The following HS6ST3 variants were observed in gnomAD, a reference collection of about 807,000 sequenced individuals.
HS6ST3 encodes the protein heparan-sulfate 6-O-sulfotransferase 3.
HS6ST3 carries 12 observed loss-of-function variants against 36.7 expected under a neutral mutation model. The observed-to-expected ratio is 0.33, with a 90% CI of 0.21 to 0.53. HS6ST3 has a LOEUF of 0.53. Ranked by LOEUF, HS6ST3 falls within the 20% of genes least tolerant of loss-of-function variation. The pLI is 0.95. For synonymous variants in HS6ST3, 240 were observed against 257.5 expected, an observed-to-expected ratio of 0.93 and a Z score of 0.65; for missense variants, 584 against 640.9, an observed-to-expected ratio of 0.91 and a Z score of 0.96.
At chr13:96,581,981 T>A (rs1174919882) in intron 1 of HS6ST3, among the ~76,000 whole-genome samples, 1 of 152,146 alleles carries the variant, frequency 6.6e-6, no homozygotes, top group Non-Finnish European at 1.5e-5. Flanking sequence ...CCTAAGCAAG[T>A]GAGGACTTGT....
chr13:96,691,654 C>T (rs1394265340), intron 1 of HS6ST3, among the ~76,000 whole-genome samples: 5 of 148,366 alleles, frequency 3.4e-5, no homozygotes, highest in Non-Finnish European at 6.0e-5. Context: ...CTTCCTTTCC[C>T]TCTTTCCTTT....
At chr13:96,424,257 GTCC>G (rs71213615) in intron 1 of HS6ST3, among the ~76,000 whole-genome samples, 75,710 of 151,396 alleles carry the variant, frequency 0.5, 19,150 homozygotes, top group Non-Finnish European at 0.56. Context: ...TGAAACTTAA[GTCC>G]AGCCAATTCC....
intron 1 of HS6ST3, among the ~76,000 whole-genome samples, chr13:96,393,219 T>C (rs1272733888): frequency 2.0e-5 from 3 of 152,128 alleles, no homozygotes; most frequent in Non-Finnish European, 4.4e-5. Context: ...TCATAAATGA[T>C]CCAGTCTCAG....
rs543581594 is a variant in HS6ST3 at position 96,427,532 on chromosome 13, A to T, written c.707+335963A>T. Among the ~76,000 whole-genome samples the T allele has an allele frequency of 2.0e-5, 3 of 151,896 alleles. No individual in the cohort carries two copies. The South Asian group carries it at 6.2e-4, about 32-fold the overall frequency. ...TAGTCATAGTACATATTACTTTTAT[A>T]ATACATTATTTATATTATGATATAT... On this transcript the variant is annotated intron_variant, in intron 1 of 1. Transcript: ENST00000376705.
chr13:96,302,658 G>A (rs1159294505), intron 1 of HS6ST3, among the ~76,000 whole-genome samples: 3 of 152,186 alleles, frequency 2.0e-5, no homozygotes, highest in African/African-American at 7.2e-5. Flanking sequence ...TGTGTTGTGA[G>A]ATTAGAGAGA....
chr13:96,149,498 T>A (rs977737368), intron 1 of HS6ST3, among the ~76,000 whole-genome samples: 8 of 152,152 alleles, frequency 5.3e-5, no homozygotes, highest in African/African-American at 1.9e-4. Context: ...TATAGATCCC[T>A]CTCAAGTGAG....
At chr13:96,797,000 G>A (rs1236631106) in intron 1 of HS6ST3, among the ~76,000 whole-genome samples, 2 of 152,088 alleles carry the variant, frequency 1.3e-5, no homozygotes, top group Non-Finnish European at 2.9e-5. Context: ...TCAATAGGCT[G>A]AGGACATCTG....
intron 1 of HS6ST3, among the ~76,000 whole-genome samples, chr13:96,341,540 G>A (rs921361612): frequency 5.9e-5 from 9 of 152,106 alleles, no homozygotes; most frequent in African/African-American, 2.2e-4. Context: ...TTTCAAACTA[G>A]AATATTCTCA....
intron 1 of HS6ST3, among the ~76,000 whole-genome samples, chr13:96,599,979 A>G (rs959451627): frequency 1.3e-5 from 2 of 152,048 alleles, no homozygotes; most frequent in Non-Finnish European, 2.9e-5. Flanking sequence ...GTTTGGGGCC[A>G]GTGTTGTCTG....
chr13:96,615,972 G>T (rs982537466), intron 1 of HS6ST3, among the ~76,000 whole-genome samples: 3 of 152,122 alleles, frequency 2.0e-5, no homozygotes, highest in Admixed American at 6.5e-5. Flanking sequence ...TTAGAGAAAG[G>T]ATCAAAATAA....
chr13:96,642,873 T>G (rs902312241), intron 1 of HS6ST3, among the ~76,000 whole-genome samples: 22 of 152,008 alleles, frequency 1.4e-4, no homozygotes, highest in Admixed American at 1.1e-3. Flanking sequence ...TTAAAGTCTT[T>G]GTAGTAAGTC....
chr13:96,234,724 G>C (rs2054526148), intron 1 of HS6ST3, among the ~76,000 whole-genome samples: 1 of 152,064 alleles, frequency 6.6e-6, no homozygotes, highest in Admixed American at 6.5e-5. Context: ...ATGATACGTG[G>C]GAATTATGGG....
At chr13:96,308,317 T>C (rs1226803590) in intron 1 of HS6ST3, among the ~76,000 whole-genome samples, 1 of 152,090 alleles carries the variant, frequency 6.6e-6, no homozygotes, top group African/African-American at 2.4e-5. Flanking sequence ...ACAGATTCAT[T>C]TCATTTCTTC....
chr13:96,256,066 T>G (rs1291158735), intron 1 of HS6ST3, among the ~76,000 whole-genome samples: 1 of 152,248 alleles, frequency 6.6e-6, no homozygotes, highest in African/African-American at 2.4e-5. Context: ...TTTTTATTTT[T>G]CTGTCTTCTA....
chr13:96,349,730 A>G (rs2055172960), intron 1 of HS6ST3, among the ~76,000 whole-genome samples: 1 of 152,260 alleles, frequency 6.6e-6, no homozygotes, highest in Non-Finnish European at 1.5e-5. Flanking sequence ...CAGAATTAAA[A>G]GAGGAAGAGA....
chr13:96,547,207 T>C (rs1235288655), intron 1 of HS6ST3, among the ~76,000 whole-genome samples: 1 of 152,218 alleles, frequency 6.6e-6, no homozygotes, highest in African/African-American at 2.4e-5. Flanking sequence ...AAATGAACTC[T>C]GGAAAGAACA....
chr13:96,679,297 C>T (rs1249434792), intron 1 of HS6ST3, among the ~76,000 whole-genome samples: 1 of 151,480 alleles, frequency 6.6e-6, no homozygotes, highest in African/African-American at 2.4e-5. Context: ...GGACTGATGT[C>T]TGAGCTAATT....
intron 1 of HS6ST3, among the ~76,000 whole-genome samples, chr13:96,612,940 C>A: frequency 6.6e-6 from 1 of 152,166 alleles, no homozygotes; most frequent in East Asian, 1.9e-4. Context: ...CTCTGAGCAA[C>A]CTTCTTCCTC....
chr13:96,175,631 G>T (rs1055137254), intron 1 of HS6ST3, among the ~76,000 whole-genome samples: 1 of 141,308 alleles, frequency 7.1e-6, no homozygotes, highest in Non-Finnish European at 1.5e-5. Flanking sequence ...ACCTTTTTGT[G>T]TATTATTTTA....
Sources: gnomAD v4.1 joint callset for allele counts (sites outside exome capture counted in the v4.1 genomes callset) on GRCh38, gnomAD v4.1.1 for gene constraint, MANE v1.5 for transcripts, NCBI Gene and HGNC (gene_info 2026-07-23, HGNC 2026-07-21) for gene names.